Variants in BSN observed in about 807,000 individuals in gnomAD.
The protein encoded by BSN is bassoon presynaptic cytomatrix protein, also known as protein bassoon.
Under a neutral mutation model 264.8 loss-of-function variants are expected in BSN, and 57 were observed. That is an observed-to-expected ratio of 0.22 (90% CI 0.17 to 0.27). BSN has a LOEUF of 0.27. Ranked by LOEUF, BSN falls within the 10% of genes least tolerant of loss-of-function variation. BSN has a pLI of 1.00. For synonymous variants in BSN, 2,059 were observed against 2,137.3 expected (o/e 0.96, Z 1.01); for missense variants, 4,615 against 5,232.5 (o/e 0.88, Z 3.64).
chr3:49,642,939 A>C lies in BSN; in HGVS notation c.1305A>C (p.Thr435=), dbSNP rs34715673. The C allele has an allele frequency of 3.6e-4, 587 of 1,614,106 alleles. 2 individuals carry two copies. The highest frequency in any genetic ancestry group is 5.2e-4 in the South Asian group (47 of 91,086). The part of the protein sequence containing the change: ...GPGALPKTGG[T]TSPKHGRAEH... Reference sequence around the variant, plus strand: ...GAGCCCTGCCGAAAACTGGGGGAACAACCAGTCCAAAGCATGGCAGAGCAG... The same window carrying C: ...GAGCCCTGCCGAAAACTGGGGGAACCACCAGTCCAAAGCATGGCAGAGCAG... The change falls in exon 3 of 12, where the codon ACA becomes ACC. Residue 435 remains threonine, a synonymous_variant. Coordinates refer to ENST00000296452, the MANE Select transcript of BSN (RefSeq NM_003458.4). The surrounding 1 kb of genome is among the most constrained non-coding windows in gnomAD (Gnocchi z 7.0).
rs1270901728 is a variant in BSN, at chr3:49,661,617, G to C, written c.9772G>C (p.Gly3258Arg). The C allele has an allele frequency of 6.2e-7, 1 of 1,613,638 alleles. No homozygotes were observed. Among genetic ancestry groups the C allele is most frequent in the South Asian group, 1.1e-5 (1 of 91,090 alleles). The change falls in exon 6 of 12, where the codon GGG becomes CGG. Residue 3258 changes from glycine (G) to arginine (R), a missense_variant. Physicochemically the swap from Gly to Arg is moderately radical, Grantham distance 125. Transcript: ENST00000296452. The part of the protein sequence containing the change: ...APDSQRLEPL[G>R]PGSSGRPGKE... ...TGATAGCCAACGGCTGGAGCCCCTG[G>C]GGCCAGGCAGCAGTGGGCGTCCAGG...
chr3:49,617,283 TTA>T lies in BSN; in HGVS notation c.225-7657_225-7656del, dbSNP rs6147817. On this transcript the variant is annotated intron_variant, in intron 1 of 11. Transcript: ENST00000296452. ...AAAGTAAAATAAAAAATAAAATACATTATATATATATATATATATATATATAT... is the reference window on the plus strand; with the variant it reads ...AAAGTAAAATAAAAAATAAAATACATTATATATATATATATATATATATAT... 9.3e-3 allele frequency among the ~76,000 whole-genome samples: 1,131 copies of T among 121,904 alleles called. 19 individuals are homozygous for T. The highest frequency in any genetic ancestry group is 0.031 in the African/African-American group (987 of 31,928). 80.0% of individuals were successfully genotyped at this position (121,904 alleles called of 152,430 possible).
rs2052661334 is a variant in BSN at position 49,661,992 on chromosome 3, T to A, written c.10147T>A (p.Ser3383Thr). 1 of 1,613,424 alleles carries A rather than the reference T, an allele frequency of 6.2e-7. No homozygotes were observed. The highest frequency in any genetic ancestry group is 8.5e-7 in the Non-Finnish European group (1 of 1,179,950). Residue 3383 changes from serine (S) to threonine (T), a missense_variant, in exon 6 of 12, where the codon TCA (serine) becomes ACA (threonine). Physicochemically the swap from Ser to Thr is moderately conservative, Grantham distance 58 (BLOSUM62 1). This residue lies in a region of BSN where 3,415 missense variants were observed against 3,866.4 expected (regional missense o/e 0.88). Coordinates refer to ENST00000296452, the MANE Select transcript of BSN (RefSeq NM_003458.4). ...SPIEEAKDVE[S>T]DLASYPPPAV... ...TATTGAAGAGGCCAAAGACGTAGAG[T>A]CAGACCTGGCGTCCTACCCCCCACC...
At chr3:49,648,409 G>A (rs1408315434) in intron 3 of BSN, among the ~76,000 whole-genome samples, 1 of 152,360 alleles carries the variant, frequency 6.6e-6, no homozygotes, top group Middle Eastern at 3.4e-3. Flanking sequence ...AACCCATCAT[G>A]CTGACCATAG....
At chr3:49,577,898 C>T (rs986480998) in intron 1 of BSN, among the ~76,000 whole-genome samples, 6 of 152,140 alleles carry the variant, frequency 3.9e-5, no homozygotes, top group African/African-American at 1.4e-4. Flanking sequence ...AGAATACCCA[C>T]CTGTGTGGTT....
rs528434504 is a variant in BSN at position 49,597,725 on chromosome 3, C to T, written c.225-27250C>T. 3.3e-4 allele frequency among the ~76,000 whole-genome samples: 51 copies of T among 152,278 alleles called. No individual in the cohort carries two copies. In the South Asian group the frequency reaches 8.7e-3, roughly 26 times the overall value. ...TGGCGCAATCTCGGCTCGCTGCAAACTCCGCCTTCTGGGTTCACACCATTC... is the reference window on the plus strand; with the variant it reads ...TGGCGCAATCTCGGCTCGCTGCAAATTCCGCCTTCTGGGTTCACACCATTC... On this transcript the variant is annotated intron_variant, in intron 1 of 11. Transcript: ENST00000296452.
rs745375039 is a variant in BSN, at chr3:49,657,169, T to C, written c.7613T>C (p.Met2538Thr). The stretch of plus-strand genomic sequence containing the variant: ...GGTCTCCCCAGCTCTGCCTCAGACA[T>C]GTCACTGCAAACGGAGGAGCAGTGG... ...HRGLPSSASD[M>T]SLQTEEQWEA... The change falls in exon 5 of 12, where the codon ATG becomes ACG. Residue 2538 changes from methionine (M) to threonine (T), a missense_variant. Physicochemically the swap from Met to Thr is moderately conservative, Grantham distance 81 (BLOSUM62 -1). Coordinates refer to ENST00000296452, the MANE Select transcript of BSN (RefSeq NM_003458.4). The C allele has an allele frequency of 5.0e-6, 8 of 1,613,132 alleles. No individual in the cohort carries two copies. Among genetic ancestry groups the C allele is most frequent in the East Asian group, 4.5e-5 (2 of 44,868 alleles).
At position 49,657,670 on chromosome 3, in the gene BSN, C is replaced by T; in HGVS notation, c.8114C>T (p.Ser2705Leu). Residue 2705 changes from serine to leucine, a missense_variant, in exon 5 of 12, where the codon TCG (serine) becomes TTG (leucine). This residue lies in a region of BSN where 3,415 missense variants were observed against 3,866.4 expected (regional missense o/e 0.88). Coordinates refer to ENST00000296452, the MANE Select transcript of BSN (RefSeq NM_003458.4). Reference protein sequence around the residue: ...DPKVEIVRYISAPEKTGRGES... With the variant: ...DPKVEIVRYILAPEKTGRGES... ...AAGGTGGAGATCGTCAGGTACATAT[C>T]GGCGCCAGAGAAGACTGGGCGTGGG... 5.1e-6 allele frequency: 8 copies of T among 1,572,366 alleles called. No homozygotes were observed. The highest frequency in any genetic ancestry group is 6.1e-6 in the Non-Finnish European group (7 of 1,155,300).
rs1445587482 is a variant in BSN at position 49,654,089 on chromosome 3, A to G, written c.4533A>G (p.Pro1511=). 1 of 1,613,992 alleles carries G rather than the reference A, an allele frequency of 6.2e-7. No homozygotes were observed. The highest frequency in any genetic ancestry group is 8.5e-7 in the Non-Finnish European group (1 of 1,179,996). Residue 1511 remains proline (P), a synonymous_variant, in exon 5 of 12, where the codon CCA becomes CCG. Transcript: ENST00000296452. The surrounding 1 kb of genome is among the most constrained non-coding windows in gnomAD (Gnocchi z 4.1). ...TAEFSTQTPS[P]APASDMPRSP... ...AGTTCTCTACACAGACGCCAAGTCC[A>G]GCCCCTGCCTCAGACATGCCACGGA...
downstream of BSN, among the ~76,000 whole-genome samples, chr3:49,672,467 A>C (rs931878418): frequency 5.3e-5 from 8 of 150,366 alleles, no homozygotes; most frequent in African/African-American, 2.0e-4. Flanking sequence ...GTGGCGTCAG[A>C]AAGTTGGGAC....
At chr3:49,584,297 T>A (rs1335397362) in intron 1 of BSN, among the ~76,000 whole-genome samples, 2 of 148,242 alleles carry the variant, frequency 1.3e-5, no homozygotes, top group Admixed American at 6.8e-5. Flanking sequence ...TTTTTTTTTA[T>A]CTTTTGAAAG....
At chr3:49,578,618 A>G (rs908375935) in intron 1 of BSN, among the ~76,000 whole-genome samples, 2 of 43,910 alleles carry the variant, frequency 4.6e-5, no homozygotes, top group African/African-American at 5.8e-5. Flanking sequence ...CGTGTTAGCC[A>G]TGTGGTCTCA....
At chr3:49,579,584 C>T (rs1261174919) in intron 1 of BSN, among the ~76,000 whole-genome samples, 1 of 147,254 alleles carries the variant, frequency 6.8e-6, no homozygotes, top group Non-Finnish European at 1.5e-5. Flanking sequence ...TTCTTTCTTT[C>T]TTTTTTTTTT....
At chr3:49,580,433 G>A (rs1278007607) in intron 1 of BSN, among the ~76,000 whole-genome samples, 3 of 152,048 alleles carry the variant, frequency 2.0e-5, no homozygotes, top group African/African-American at 7.2e-5. Context: ...GGTTTATTAC[G>A]TATTACATTA....
intron 1 of BSN, among the ~76,000 whole-genome samples, chr3:49,567,722 C>G (rs1575425294): frequency 6.6e-6 from 1 of 152,194 alleles, no homozygotes; most frequent in Non-Finnish European, 1.5e-5. Flanking sequence ...CATGTTAACC[C>G]AAAACTTAGT....
At position 49,662,559 on chromosome 3, in the gene BSN, G is replaced by A; in HGVS notation, c.10714G>A (p.Glu3572Lys). The A allele has an allele frequency of 6.3e-7, 1 of 1,580,342 alleles. No individual in the cohort carries two copies. The highest frequency in any genetic ancestry group is 8.6e-7 in the Non-Finnish European group (1 of 1,162,048). The change falls in exon 6 of 12, where the codon GAA becomes AAA. Residue 3572 changes from glutamate to lysine, a missense_variant. Coordinates refer to ENST00000296452, the MANE Select transcript of BSN (RefSeq NM_003458.4). ...TTCCCATTGCGTGGTTTCCGACAGCGAAGGTAATGGCAGCCAGGGGTGATT... is the reference window on the plus strand; with the variant it reads ...TTCCCATTGCGTGGTTTCCGACAGCAAAGGTAATGGCAGCCAGGGGTGATT... ...DDSHCVVSDSEAYHLGQEETD... is the reference protein window; with the variant it reads ...DDSHCVVSDSKAYHLGQEETD...
At position 49,655,591 on chromosome 3, in the gene BSN, C is replaced by G. The variant is rs781610554; in HGVS notation, c.6035C>G (p.Ser2012Trp). Residue 2012 changes from serine to tryptophan, a missense_variant, in exon 5 of 12, where the codon TCG becomes TGG. Physicochemically the swap from Ser to Trp is radical, Grantham distance 177. This residue lies in a region of BSN where 3,415 missense variants were observed against 3,866.4 expected (regional missense o/e 0.88). Coordinates refer to ENST00000296452, the MANE Select transcript of BSN (RefSeq NM_003458.4). ...GQLFQGPGRD[S>W]AMDLSSLKHS... Reference sequence around the variant, plus strand: ...CTCTTCCAGGGTCCTGGACGAGACTCGGCTATGGACCTCAGCTCACTGAAG... The same window carrying G: ...CTCTTCCAGGGTCCTGGACGAGACTGGGCTATGGACCTCAGCTCACTGAAG... 1 of 1,613,660 alleles carries G rather than the reference C, an allele frequency of 6.2e-7. No homozygotes were observed. Among genetic ancestry groups the G allele is most frequent in the Non-Finnish European group, 8.5e-7 (1 of 1,180,008 alleles).
At chr3:49,613,496 A>ATTG (rs2052228967) in intron 1 of BSN, among the ~76,000 whole-genome samples, 1 of 150,772 alleles carries the variant, frequency 6.6e-6, no homozygotes. Flanking sequence ...TATTATTATT[A>ATTG]TTATTATTTT....
Position 49,661,110 on chromosome 3 carries a change from T to C in BSN, c.9265T>C (p.Tyr3089His), listed in dbSNP as rs772607964. 1.5e-4 allele frequency: 244 copies of C among 1,612,414 alleles called. No individual in the cohort carries two copies. Among genetic ancestry groups the C allele is most frequent in the Middle Eastern group, 1.2e-3 (7 of 6,084 alleles). Reference protein sequence around the residue: ...QAPTYPGPSTYPAPAFPPGAS... With the variant: ...QAPTYPGPSTHPAPAFPPGAS... ...CCCCACCTACCCTGGCCCCAGCACG[T>C]ACCCAGCTCCTGCCTTTCCTCCTGG... Residue 3089 changes from tyrosine to histidine, a missense_variant, in exon 6 of 12, where the codon TAC becomes CAC. Physicochemically the swap from Tyr to His is moderately conservative, Grantham distance 83. This residue lies in a region of BSN where 3,415 missense variants were observed against 3,866.4 expected (regional missense o/e 0.88). Coordinates refer to ENST00000296452, the MANE Select transcript of BSN (RefSeq NM_003458.4).
Sources: allele counts gnomAD v4.1 joint callset (sites outside exome capture counted in the v4.1 genomes callset), GRCh38; gene constraint gnomAD v4.1.1; regional missense constraint gnomAD v4.1.1; non-coding constraint Gnocchi (gnomAD v3.1); transcripts MANE v1.5; gene names NCBI Gene and HGNC (gene_info 2026-07-23, HGNC 2026-07-21).